Variants in KRT85 observed in about 807,000 individuals in gnomAD.
KRT85 encodes the protein keratin 85, also known as keratin, type II cuticular Hb5.
Under a neutral mutation model 53.7 loss-of-function variants are expected in KRT85, and 39 were observed. The observed-to-expected ratio is 0.73, with a 90% CI of 0.56 to 0.95. The LOEUF (loss-of-function observed/expected upper bound fraction) is 0.95. Among genes scored for constraint, KRT85 ranks in the 40% least tolerant of loss-of-function variants. KRT85 has a pLI of 0.00. For missense variants in KRT85, 668 were observed against 686.0 expected (o/e 0.97, Z 0.29); for synonymous variants, 291 against 277.5 (o/e 1.05, Z -0.48).
chr12:52,362,230 A>G, intron 7 of KRT85, 21 bp downstream of exon 7: 1 of 1,613,958 alleles, frequency 6.2e-7, no homozygotes, highest in Non-Finnish European at 8.5e-7. Flanking sequence ...CTGAAACCCC[A>G]CAAAGTCCTC....
chr12:52,364,497 A>T (rs1939243486), intron 2 of KRT85, 131 bp from the exon 3 acceptor site: 24 of 1,550,632 alleles, frequency 1.5e-5, no homozygotes, highest in Non-Finnish European at 2.0e-5. Context: ...CCCCTCCAGG[A>T]TCTATTTTTT....
intron 5 of KRT85, 50 bp from the exon 6 acceptor site, chr12:52,363,029 A>G (rs1939217358): frequency 6.2e-7 from 1 of 1,613,952 alleles, no homozygotes; most frequent in Non-Finnish European, 8.5e-7. Context: ...CCCCCCATCC[A>G]TTCAGGACAC....
At position 52,367,374 on chromosome 12, in the gene KRT85, C is replaced by A. The variant is rs755207063; in HGVS notation, c.32G>T (p.Gly11Val). 1 of 1,614,118 alleles carries A rather than the reference C, an allele frequency of 6.2e-7. No individual in the cohort carries two copies. The highest frequency in any genetic ancestry group is 2.2e-5 in the East Asian group (1 of 44,862). Residue 11 changes from glycine (G) to valine (V), a missense_variant, in exon 1 of 9, where the codon GGA becomes GTA. Coordinates refer to ENST00000257901, the MANE Select transcript of KRT85 (RefSeq NM_002283.4). Reference sequence around the variant, plus strand: ...GCTGAAGTTCCTGGTGACCCCGCATCCTGAGCTGATCCTGTAGGAGCGGCA... The same window carrying A: ...GCTGAAGTTCCTGGTGACCCCGCATACTGAGCTGATCCTGTAGGAGCGGCA... MSCRSYRISS[G>V]CGVTRNFSSC...
chr12:52,361,376 G>T (rs1939188430), intron 8 of KRT85, 91 bp downstream of exon 8: 3 of 1,191,584 alleles, frequency 2.5e-6, no homozygotes, highest in Non-Finnish European at 3.8e-6. Context: ...ACAGTTGGGG[G>T]AACACTCGAG....
Position 52,367,263 on chromosome 12 carries a change from A to G in KRT85, c.143T>C (p.Leu48Pro). The change falls in exon 1 of 9, where the codon CTG becomes CCG. Residue 48 changes from leucine (L) to proline (P), a missense_variant. By Grantham distance (98) the Leu-to-Pro change is moderately conservative (BLOSUM62 -3). Around this residue, in one of 3 missense-constraint regions of KRT85, gnomAD observed 158 missense variants for 141.8 expected, o/e 1.11. Transcript: ENST00000257901. Reference sequence around the variant, plus strand: ...GAGGCTGCGGCTGCCGAAGCCCGTCAGCCCTCGGTAGCAGGACACCCCTCG... The same window carrying G: ...GAGGCTGCGGCTGCCGAAGCCCGTCGGCCCTCGGTAGCAGGACACCCCTCG... ...PYRGVSCYRGLTGFGSRSLCN... is the reference protein window; with the variant it reads ...PYRGVSCYRGPTGFGSRSLCN... 6.2e-7 allele frequency: 1 copy of G among 1,612,156 alleles called. No individual in the cohort carries two copies. Among genetic ancestry groups the G allele is most frequent in the Non-Finnish European group, 8.5e-7 (1 of 1,178,632 alleles).
intron 1 of KRT85, among the ~76,000 whole-genome samples, 176 bp downstream of exon 1, chr12:52,366,810 C>T (rs1939278330): frequency 6.6e-6 from 1 of 152,172 alleles, no homozygotes; most frequent in Non-Finnish European, 1.5e-5. Context: ...ACCTGGACCT[C>T]GTTAAATGCT....
Position 52,367,165 on chromosome 12 carries a change from C to A in KRT85, c.241G>T (p.Gly81Cys), listed in dbSNP as rs754976240. 2 of 1,613,568 alleles carry A rather than the reference C, an allele frequency of 1.2e-6. No individual in the cohort carries two copies. Among genetic ancestry groups the A allele is most frequent in the East Asian group, 4.5e-5 (2 of 44,902 alleles). Residue 81 changes from glycine to cysteine, a missense_variant, in exon 1 of 9, where the codon GGC (glycine) becomes TGC (cysteine). Transcript: ENST00000257901. ...CCGCACACGCCCCCGGAGCGGTAGC[C>A]GAAGCTGCGTCCGCAGGAGCCGGCT... ...FRAGSCGRSF[G>C]YRSGGVCGPS...
In KRT85 at chr12:52,367,346, G is replaced by A. The variant is rs983411316; in HGVS notation, c.60C>T (p.Ser20=). 3 of 1,614,156 alleles carry A rather than the reference G, an allele frequency of 1.9e-6. No homozygotes were observed. The East Asian group carries it at 6.7e-5, about 36-fold the overall frequency. The stretch of plus-strand genomic sequence containing the variant: ...CAGTTTTGGGGGCCACAGCTGAGCA[G>A]GAGCTGAAGTTCCTGGTGACCCCGC... ...SGCGVTRNFS[S]CSAVAPKTGN... Residue 20 remains serine (S), a synonymous_variant, in exon 1 of 9, where the codon TCC becomes TCT. Transcript: ENST00000257901.
chr12:52,366,865 CT>C (rs1939279253), intron 1 of KRT85, 120 bp downstream of exon 1: 19 of 1,524,960 alleles, frequency 1.2e-5, no homozygotes, highest in Non-Finnish European at 1.5e-5. Context: ...CTGTATGGGT[CT>C]GCACGTCATT....
At chr12:52,364,631 G>C (rs755399067) in intron 2 of KRT85, 2 of 1,438,736 alleles carry the variant, frequency 1.4e-6, no homozygotes, top group Non-Finnish European at 1.8e-6. Context: ...GTGCATCCTA[G>C]GTCCCAAGAG....
intron 5 of KRT85, 81 bp downstream of exon 5, chr12:52,363,165 G>A: frequency 6.3e-7 from 1 of 1,586,268 alleles, no homozygotes; most frequent in Non-Finnish European, 8.6e-7. Flanking sequence ...AGAATCCCCA[G>A]GCAAGAGAAA....
intron 2 of KRT85, 23 bp downstream of exon 2, chr12:52,364,939 T>TC: frequency 6.2e-7 from 1 of 1,612,052 alleles, no homozygotes. Context: ...TTCCCCTGAG[T>TC]CCCCCCAGCT....
chr12:52,366,727 C>T (rs968648695), intron 1 of KRT85, among the ~76,000 whole-genome samples: 7 of 152,108 alleles, frequency 4.6e-5, no homozygotes, highest in Non-Finnish European at 1.0e-4. Context: ...GGCGCACACA[C>T]CGCTACACAC....
rs1939180397 is a variant in KRT85, at chr12:52,360,907, C to A, written c.1470G>T (p.Gln490His). 1.2e-6 allele frequency: 2 copies of A among 1,612,448 alleles called. No individual in the cohort carries two copies. Among genetic ancestry groups the A allele is most frequent in the Admixed American group, 3.3e-5 (2 of 60,012 alleles). Residue 490 changes from glutamine (Q) to histidine (H), a missense_variant, in exon 9 of 9, where the codon CAG (glutamine) becomes CAT (histidine). Coordinates refer to ENST00000257901, the MANE Select transcript of KRT85 (RefSeq NM_002283.4). ...VVAPDSCAPC[Q>H]PRSSSFSCGS... is the part of the protein sequence containing the mutation. Reference sequence around the variant, plus strand: ...CGCAGCTGAAGCTGGAGGAACGAGGCTGGCAGGGGGCACAGGAGTCAGGGG... The same window carrying A: ...CGCAGCTGAAGCTGGAGGAACGAGGATGGCAGGGGGCACAGGAGTCAGGGG...
In KRT85 at chr12:52,363,981, G is replaced by A. The variant is rs1438152293; in HGVS notation, c.786+87C>T. On this transcript the variant is annotated intron_variant, in intron 4 of 8. Transcript: ENST00000257901. ...TTACATTGCACATTGGCAAACATAG[G>A]CACACACATGCACCCTTGCCTCACT... The A allele has an allele frequency of 9.0e-6, 9 of 998,630 alleles. No individual in the cohort carries two copies. The East Asian group carries it at 9.5e-5, about 11-fold the overall frequency. The allele number at this position is 998,630 out of a possible 1,614,324, so 61.9% of individuals were successfully genotyped here. A position where few individuals can be genotyped will look rare whatever the true frequency, so the allele number is the denominator to read the frequency against.
In KRT85 at chr12:52,360,774, A is replaced by T; in HGVS notation, c.*79T>A. On this transcript the variant is annotated 3_prime_UTR_variant, in exon 9 of 9. Transcript: ENST00000257901. ...CAGAAGATTCTGGAAGCAAGCACAC[A>T]TTTTCCATTCACATGCCATTCAGTG... The T allele has an allele frequency of 2.8e-6, 4 of 1,449,826 alleles. No individual in the cohort carries two copies. Among genetic ancestry groups the T allele is most frequent in the Non-Finnish European group, 3.9e-6 (4 of 1,032,820 alleles). 89.8% of individuals were successfully genotyped at this position (1,449,826 alleles called of 1,614,324 possible).
rs772037833 is a variant in KRT85, at chr12:52,362,309, G to A, written c.1240C>T (p.Leu414=). 1.2e-6 allele frequency: 2 copies of A among 1,614,154 alleles called. No homozygotes were observed. Among genetic ancestry groups the A allele is most frequent in the Admixed American group, 1.7e-5 (1 of 60,024 alleles). ...KEYQEVMNSK[L]GLDIEIATYR... Reference sequence around the variant, plus strand: ...GTGGCGATCTCGATGTCCAGGCCCAGCTTGGAGTTCATCACCTCCTGGTAC... The same window carrying A: ...GTGGCGATCTCGATGTCCAGGCCCAACTTGGAGTTCATCACCTCCTGGTAC... Residue 414 remains leucine, a synonymous_variant, in exon 7 of 9, where the codon CTG becomes TTG. Coordinates refer to ENST00000257901, the MANE Select transcript of KRT85 (RefSeq NM_002283.4).
chr12:52,361,975 G>A (rs527854369), intron 7 of KRT85, among the ~76,000 whole-genome samples: 8 of 152,204 alleles, frequency 5.3e-5, no homozygotes, highest in Non-Finnish European at 7.4e-5. Context: ...TATTAACTGC[G>A]TAGCCATGAT....
intron 2 of KRT85, 173 bp from the exon 3 acceptor site, chr12:52,364,539 C>T: frequency 1.4e-6 from 2 of 1,479,146 alleles, no homozygotes; most frequent in South Asian, 2.8e-5. Flanking sequence ...TTGTCCTAGC[C>T]TGGCTTCATT....
Sources: gnomAD v4.1 joint callset for allele counts (sites outside exome capture counted in the v4.1 genomes callset) on GRCh38, gnomAD v4.1.1 for gene constraint, gnomAD v4.1.1 regional missense constraint, MANE v1.5 for transcripts, NCBI Gene and HGNC (gene_info 2026-07-23, HGNC 2026-07-21) for gene names.